Variants in PRPF6 observed in about 807,000 individuals in gnomAD.
PRPF6 encodes the protein pre-mRNA-processing factor 6.
Under a neutral mutation model 118.3 loss-of-function variants are expected in PRPF6, and 42 were observed. That is an observed-to-expected ratio of 0.35 (90% CI 0.28 to 0.46). PRPF6 has a LOEUF of 0.46. Among genes scored for constraint, PRPF6 ranks in the 20% least tolerant of loss-of-function variants. The pLI, the probability that PRPF6 is intolerant of heterozygous loss-of-function variation, is 1.00. For missense variants in PRPF6, 662 were observed against 1,255.7 expected, an observed-to-expected ratio of 0.53 and a Z score of 7.15; for synonymous variants, 481 against 485.1, an observed-to-expected ratio of 0.99 and a Z score of 0.11.
At chr20:63,995,289 C>T (rs376449733) in intron 5 of PRPF6, 38 bp from the exon 6 acceptor site, 117 of 1,587,982 alleles carry the variant, frequency 7.4e-5, no homozygotes, top group Non-Finnish European at 8.7e-5. Context: ...CAGTGCAAAC[C>T]GTTGTTTTAT....
At chr20:64,019,242 G>T (rs1227988590) in intron 12 of PRPF6, among the ~76,000 whole-genome samples, 1 of 151,764 alleles carries the variant, frequency 6.6e-6, no homozygotes. Flanking sequence ...GAGTAGCTGG[G>T]ACTACAGGTG....
chr20:64,010,835 C>T (rs2059213510), intron 10 of PRPF6, among the ~76,000 whole-genome samples: 1 of 152,174 alleles, frequency 6.6e-6, no homozygotes, highest in South Asian at 2.1e-4. Flanking sequence ...ATTCTCCAAA[C>T]AACATTAATC....
At chr20:64,009,279 CAAAAAAAA>C (rs59045216) in intron 9 of PRPF6, among the ~76,000 whole-genome samples, 2 of 38,228 alleles carry the variant, frequency 5.2e-5, no homozygotes, top group East Asian at 9.3e-4. Flanking sequence ...GACTCCATCG[CAAAAAAAA>C]AAAAAAAAAA....
At chr20:64,031,719 C>T (rs1279847080) in intron 19 of PRPF6, among the ~76,000 whole-genome samples, 199 bp from the exon 20 acceptor site, 1 of 151,300 alleles carries the variant, frequency 6.6e-6, no homozygotes, top group Non-Finnish European at 1.5e-5. Flanking sequence ...TTTGGTTAGA[C>T]CCGTGAAGGG....
At chr20:64,004,342 G>A (rs916746235) in intron 9 of PRPF6, among the ~76,000 whole-genome samples, 1 of 152,228 alleles carries the variant, frequency 6.6e-6, no homozygotes, top group African/African-American at 2.4e-5. Context: ...CCTAATACTG[G>A]TCCTGGCCTG....
chr20:64,022,137 A>G (rs1416445312), intron 12 of PRPF6, among the ~76,000 whole-genome samples: 1 of 152,208 alleles, frequency 6.6e-6, no homozygotes, highest in Non-Finnish European at 1.5e-5. Context: ...AAGCAGCCCC[A>G]TGTGCCCCTT....
intron 9 of PRPF6, among the ~76,000 whole-genome samples, chr20:64,004,500 T>C (rs903947327): frequency 2.6e-5 from 4 of 152,210 alleles, no homozygotes; most frequent in African/African-American, 9.6e-5. Flanking sequence ...ACTGGTGACT[T>C]AGGACACCTG....
At chr20:64,022,670 G>A (rs73153145) in intron 12 of PRPF6, 87 bp from the exon 13 acceptor site, 1 of 1,575,764 alleles carries the variant, frequency 6.3e-7, no homozygotes. Context: ...TCATCTTTCA[G>A]AATCGTATGA....
At position 63,994,912 on chromosome 20, in the gene PRPF6, C is replaced by A; in HGVS notation, c.439-4C>A. ...TAATGTTTTTGGGGGCTGGATATTT[C>A]CAGAGGAAGTTGGCAGAAGTCACAG... On this transcript the variant is annotated splice_region_variant and splice_polypyrimidine_tract_variant and intron_variant, in intron 4 of 20. Transcript: ENST00000266079. 6.2e-7 allele frequency: 1 copy of A among 1,614,130 alleles called. No individual in the cohort carries two copies. Among genetic ancestry groups the A allele is most frequent in the Non-Finnish European group, 8.5e-7 (1 of 1,180,040 alleles).
rs183522554 is a variant in PRPF6 at position 64,029,123 on chromosome 20, C to T, written c.2432-254C>T. ...GGGAGGTTGCAGTGAGCTGAGATTGCGCCATTGCACTCCACCCTGAATGAC... is the reference window on the plus strand; with the variant it reads ...GGGAGGTTGCAGTGAGCTGAGATTGTGCCATTGCACTCCACCCTGAATGAC... On this transcript the variant is annotated intron_variant, in intron 18 of 20. Transcript: ENST00000266079. This position sits in a 1 kb window ranked among gnomAD's most constrained non-coding sequence, Gnocchi z 4.8. Among the ~76,000 whole-genome samples the T allele has an allele frequency of 3.9e-5, 6 of 152,226 alleles. No homozygotes were observed. The highest frequency in any genetic ancestry group is 7.2e-5 in the African/African-American group (3 of 41,542).
At chr20:63,983,393 T>A (rs923474068) in intron 2 of PRPF6, among the ~76,000 whole-genome samples, 178 bp downstream of exon 2, 1 of 152,092 alleles carries the variant, frequency 6.6e-6, no homozygotes, top group African/African-American at 2.4e-5. Flanking sequence ...CGGAGAAATG[T>A]GCACTTTTTG....
intron 2 of PRPF6, among the ~76,000 whole-genome samples, 193 bp downstream of exon 2, chr20:63,983,408 T>G (rs1228483150): frequency 6.6e-6 from 1 of 151,748 alleles, no homozygotes; most frequent in African/African-American, 2.4e-5. Flanking sequence ...TTTTTGTCCC[T>G]CAGAAGAGAT....
chr20:64,011,206 G>A lies in PRPF6; in HGVS notation c.1306-79G>A. 7.4e-7 allele frequency: 1 copy of A among 1,356,104 alleles called. No homozygotes were observed. The highest frequency in any genetic ancestry group is 1.0e-6 in the Non-Finnish European group (1 of 958,070). 84.0% of individuals were successfully genotyped at this position (1,356,104 alleles called of 1,614,324 possible). ...AGAAAGAACGTGGTGGCCAACGCTG[G>A]AGGGTGGGTCGCTGTCTGGCCTGCA... On this transcript the variant is annotated intron_variant, in intron 10 of 20. Transcript: ENST00000266079. The surrounding 1 kb of genome is among the most constrained non-coding windows in gnomAD (Gnocchi z 6.7).
At chr20:64,031,792 CCTT>C (rs2059315866) in intron 19 of PRPF6, 123 bp from the exon 20 acceptor site, 1 of 1,301,530 alleles carries the variant, frequency 7.7e-7, no homozygotes. Flanking sequence ...GATCCTCAGG[CCTT>C]CTTGAGGGGA....
intron 12 of PRPF6, among the ~76,000 whole-genome samples, chr20:64,018,434 C>T (rs73320816): frequency 0.01 from 1,593 of 152,114 alleles, 32 homozygotes; most frequent in African/African-American, 0.037. Context: ...GTGCATCATA[C>T]GGAGAGGTGT....
intron 4 of PRPF6, among the ~76,000 whole-genome samples, chr20:63,994,227 A>G (rs1387320982): frequency 6.9e-6 from 1 of 144,934 alleles, no homozygotes; most frequent in Non-Finnish European, 1.5e-5. Context: ...ACGCGATCTC[A>G]GCTCACCGCA....
intron 12 of PRPF6, among the ~76,000 whole-genome samples, chr20:64,018,527 T>C (rs752469294): frequency 6.6e-6 from 1 of 152,242 alleles, no homozygotes; most frequent in African/African-American, 2.4e-5. Flanking sequence ...TTCTTTGTTA[T>C]TATTAATAAG....
At chr20:64,032,159 G>C in intron 20 of PRPF6, 115 bp downstream of exon 20, 1 of 1,519,060 alleles carries the variant, frequency 6.6e-7, no homozygotes, top group Non-Finnish European at 9.0e-7. Flanking sequence ...GCCCGGGGTC[G>C]GGAGGATGGA....
intron 3 of PRPF6, among the ~76,000 whole-genome samples, chr20:63,986,702 A>G (rs1296415728): frequency 2.6e-5 from 4 of 151,486 alleles, no homozygotes; most frequent in South Asian, 2.1e-4. Flanking sequence ...GTTAGCCAGG[A>G]TGGTCTTGAT....
Sources: allele counts gnomAD v4.1 joint callset (sites outside exome capture counted in the v4.1 genomes callset), GRCh38; gene constraint gnomAD v4.1.1; non-coding constraint Gnocchi (gnomAD v3.1); transcripts MANE v1.5; gene names NCBI Gene and HGNC (gene_info 2026-07-23, HGNC 2026-07-21).